The following FRMPD4 variants were observed in gnomAD, a reference collection of about 807,000 sequenced individuals.
The protein encoded by FRMPD4 is FERM and PDZ domain-containing protein 4.
In FRMPD4, 22 loss-of-function variants were observed where a neutral mutation model predicts 94.1. That is an observed-to-expected ratio of 0.23 (90% CI 0.17 to 0.33). FRMPD4 has a LOEUF of 0.33. Among genes scored for constraint, FRMPD4 ranks in the 10% least tolerant of loss-of-function variants. The probability of loss-of-function intolerance (pLI) is 1.00; values close to 1 mark genes in which losing one functional copy is unlikely to be tolerated. For synonymous variants in FRMPD4, 631 were observed against 548.6 expected (o/e 1.15, Z -2.10); for missense variants, 1,111 against 1,339.9 (o/e 0.83, Z 2.67).
chrX:12,613,232 TCTTA>T (rs1477760742), intron 3 of FRMPD4, among the ~76,000 whole-genome samples: 5 of 112,156 alleles, frequency 4.5e-5, no homozygotes, highest in African/African-American at 1.3e-4. Context: ...TGTTTTTATA[TCTTA>T]CTTAAATATA....
At chrX:12,068,875 C>T (rs2054943248) in intron 3 of FRMPD4, among the ~76,000 whole-genome samples, 2 of 112,279 alleles carry the variant, frequency 1.8e-5, no homozygotes, top group African/African-American at 3.2e-5. Flanking sequence ...AGACTAAATT[C>T]TAGGAACTTT....
intron 1 of FRMPD4, among the ~76,000 whole-genome samples, chrX:11,857,217 C>T (rs1379623618): frequency 9.0e-6 from 1 of 111,343 alleles, no homozygotes; most frequent in African/African-American, 3.3e-5. Flanking sequence ...TTTTAAAATT[C>T]ATATAGAACC....
At chrX:12,548,129 C>G (rs2058497764) in intron 2 of FRMPD4, among the ~76,000 whole-genome samples, 1 of 111,912 alleles carries the variant, frequency 8.9e-6, no homozygotes, top group Admixed American at 9.5e-5. Context: ...TGTAGATATC[C>G]TGACATGAAA....
intron 1 of FRMPD4, among the ~76,000 whole-genome samples, chrX:12,223,617 A>C (rs904995469): frequency 2.7e-5 from 3 of 112,383 alleles, no homozygotes; most frequent in Non-Finnish European, 3.8e-5. Context: ...TGGAAGGAAA[A>C]AAAGGAACTG....
At chrX:11,888,266 G>C (rs1291876466) in intron 3 of FRMPD4, among the ~76,000 whole-genome samples, 1 of 111,592 alleles carries the variant, frequency 9.0e-6, no homozygotes, top group Non-Finnish European at 1.9e-5. Context: ...TCTACTTTGT[G>C]TACACTTTTC....
intron 1 of FRMPD4, among the ~76,000 whole-genome samples, chrX:12,300,630 G>A (rs1357345687): frequency 8.9e-6 from 1 of 112,260 alleles, no homozygotes; most frequent in Non-Finnish European, 1.9e-5. Flanking sequence ...CAAGGGGTTT[G>A]AGATAGGTGC....
At chrX:12,161,966 T>C (rs746882600) in intron 1 of FRMPD4, among the ~76,000 whole-genome samples, 1 of 111,838 alleles carries the variant, frequency 8.9e-6, no homozygotes, top group Non-Finnish European at 1.9e-5. Flanking sequence ...TTTTTCTACA[T>C]TGCCATCCTA....
intron 8 of FRMPD4, among the ~76,000 whole-genome samples, chrX:12,692,273 GAAGTGAAGTGCTAAAAATC>G (rs2060087206): frequency 8.9e-6 from 1 of 111,943 alleles, no homozygotes; most frequent in African/African-American, 3.2e-5. Flanking sequence ...ATCAGAACTA[GAAGTGAAGTGCTAAAAATC>G]AAGTGAAGTG....
At chrX:12,532,064 G>C (rs7060441) in intron 2 of FRMPD4, among the ~76,000 whole-genome samples, 2,203 of 111,813 alleles carry the variant, frequency 0.02, 49 homozygotes, top group African/African-American at 0.067. Context: ...TACAGTGTTT[G>C]GAAGGTCAAC....
In FRMPD4 at chrX:12,717,146, T is replaced by G; in HGVS notation, c.2674+13T>G. ...AGTGACAATTCAGGTTCTTTCACAA[T>G]TGTTACATTCATTCACTGATAACCA... On this transcript the variant is annotated intron_variant, in intron 15 of 16. Coordinates refer to ENST00000675598, the MANE Select transcript of FRMPD4 (RefSeq NM_001368397.1). The G allele has an allele frequency of 9.4e-7, 1 of 1,060,369 alleles. No homozygotes were observed. The highest frequency in any genetic ancestry group is 2.1e-5 in the South Asian group (1 of 48,472). 87.4% of individuals were successfully genotyped at this position (1,060,369 alleles called of 1,213,427 possible).
intron 1 of FRMPD4, among the ~76,000 whole-genome samples, chrX:12,248,561 A>G (rs116100340): frequency 0.035 from 3,963 of 112,381 alleles, 162 homozygotes; most frequent in African/African-American, 0.12. Flanking sequence ...TGTATAGTCT[A>G]TGTTTAATAA....
At chrX:11,828,433 T>C (rs899159052) in intron 1 of FRMPD4, among the ~76,000 whole-genome samples, 1 of 102,760 alleles carries the variant, frequency 9.7e-6, no homozygotes, top group Admixed American at 1.1e-4. Flanking sequence ...ATATTCCTAA[T>C]TGAAACAATA....
At chrX:12,633,811 C>A (rs1344721032) in intron 4 of FRMPD4, among the ~76,000 whole-genome samples, 1 of 112,157 alleles carries the variant, frequency 8.9e-6, no homozygotes, top group East Asian at 2.8e-4. Flanking sequence ...TCAACATCTT[C>A]ACTTATTCAC....
At chrX:12,379,081 A>G (rs2056281934) in intron 1 of FRMPD4, among the ~76,000 whole-genome samples, 1 of 112,281 alleles carries the variant, frequency 8.9e-6, no homozygotes, top group African/African-American at 3.2e-5. Context: ...TTCTAAAGAT[A>G]TATAGTTTAC....
intron 3 of FRMPD4, among the ~76,000 whole-genome samples, chrX:11,886,057 A>G (rs999179857): frequency 8.9e-6 from 1 of 111,833 alleles, no homozygotes; most frequent in Admixed American, 9.5e-5. Context: ...TTATAAAACC[A>G]AGGTGCCCCT....
chrX:11,923,117 A>ACTCC (rs1569126429), intron 3 of FRMPD4, among the ~76,000 whole-genome samples: 1 of 111,645 alleles, frequency 9.0e-6, no homozygotes, highest in Non-Finnish European at 1.9e-5. Flanking sequence ...CCCCACAGCA[A>ACTCC]CTCCCTGCAT....
intron 1 of FRMPD4, among the ~76,000 whole-genome samples, chrX:12,254,250 A>C (rs1040324907): frequency 1.8e-5 from 2 of 112,067 alleles, no homozygotes; most frequent in African/African-American, 6.5e-5. Flanking sequence ...AGAGCACCTG[A>C]GTGGATGTTG....
intron 3 of FRMPD4, among the ~76,000 whole-genome samples, chrX:12,015,115 T>C (rs1416280083): frequency 8.9e-6 from 1 of 111,738 alleles, no homozygotes; most frequent in Non-Finnish European, 1.9e-5. Context: ...TTTTTTTTAA[T>C]TCTAAAAGTG....
intron 4 of FRMPD4, among the ~76,000 whole-genome samples, chrX:12,669,310 C>G (rs949792156): frequency 1.8e-5 from 2 of 111,775 alleles, no homozygotes; most frequent in Non-Finnish European, 3.8e-5. Context: ...CCAAAAATCA[C>G]TGAAGTGAGT....
Sources: allele counts gnomAD v4.1 joint callset (sites outside exome capture counted in the v4.1 genomes callset), GRCh38; gene constraint gnomAD v4.1.1; transcripts MANE v1.5; gene names NCBI Gene and HGNC (gene_info 2026-07-23, HGNC 2026-07-21).